VWDE: variants seen among roughly 807,000 people sequenced by gnomAD.
The protein encoded by VWDE is von Willebrand factor D and EGF domain-containing protein.
In VWDE, 207 loss-of-function variants were observed where a neutral mutation model predicts 178.4. The observed-to-expected ratio is 1.16, with a 90% confidence interval of 1.04 to 1.30. The LOEUF (loss-of-function observed/expected upper bound fraction) is 1.30. Among genes scored for constraint, VWDE ranks in the 50% most tolerant of loss-of-function variants. VWDE has a pLI of 0.00. For missense variants in VWDE, 2,287 were observed against 1,901.3 expected (o/e 1.20, Z -3.77); for synonymous variants, 738 against 651.4 (o/e 1.13, Z -2.02).
In VWDE at chr7:12,357,646, A is replaced by T. The variant is rs1668000329; in HGVS notation, c.3275-131T>A. 1.3e-5 allele frequency: 11 copies of T among 846,566 alleles called. No homozygotes were observed. In the Admixed American group the frequency reaches 3.9e-4, roughly 30 times the overall value. The allele number at this position is 846,566 out of a possible 1,614,324, so 52.4% of individuals were successfully genotyped here. The stretch of plus-strand genomic sequence containing the variant: ...GCTAAAAGGTCTATTAGCTGCTTTC[A>T]TTTTTTTTTTTAACATTCTGAGTAA... On this transcript the variant is annotated intron_variant, in intron 16 of 28. Transcript: ENST00000275358.
intron 24 of VWDE, among the ~76,000 whole-genome samples, 192 bp from the exon 25 acceptor site, chr7:12,337,464 G>T (rs1314459357): frequency 3.3e-5 from 5 of 152,108 alleles, no homozygotes; most frequent in Admixed American, 1.3e-4. Flanking sequence ...CTACTAGTGG[G>T]TTAGCACAAT....
At chr7:12,383,683 G>T in intron 3 of VWDE, 82 bp from the exon 4 acceptor site, 5 of 1,197,982 alleles carry the variant, frequency 4.2e-6, no homozygotes, top group Non-Finnish European at 6.0e-6. Context: ...ACAATTTATT[G>T]AAGGATGATT....
chr7:12,340,180 G>T, intron 24 of VWDE, 142 bp downstream of exon 24: 1 of 627,498 alleles, frequency 1.6e-6, no homozygotes, highest in Non-Finnish European at 2.8e-6. Context: ...CTAGTAATTT[G>T]GTGGGCATAC....
intron 23 of VWDE, 57 bp from the exon 24 acceptor site, chr7:12,340,474 A>G (rs879031668): frequency 2.2e-6 from 3 of 1,340,350 alleles, no homozygotes. Context: ...AAAAAATGAA[A>G]GCTGCACAGA....
intron 19 of VWDE, among the ~76,000 whole-genome samples, chr7:12,347,162 C>T (rs147135210): frequency 2.0e-5 from 3 of 152,186 alleles, no homozygotes; most frequent in East Asian, 1.9e-4. Flanking sequence ...ATGATCTGGG[C>T]CAAGTCAGTG....
intron 12 of VWDE, among the ~76,000 whole-genome samples, chr7:12,369,288 A>C (rs1282390481): frequency 1.3e-5 from 2 of 152,144 alleles, no homozygotes; most frequent in Admixed American, 1.3e-4. Flanking sequence ...TGACAGTAGC[A>C]GGGAATGAGT....
intron 1 of VWDE, among the ~76,000 whole-genome samples, chr7:12,394,075 T>C (rs2128562842): frequency 6.6e-6 from 1 of 152,302 alleles, no homozygotes; most frequent in East Asian, 1.9e-4. Flanking sequence ...CTGGCTGCTC[T>C]TGAGTTAGGA....
intron 24 of VWDE, 74 bp from the exon 25 acceptor site, chr7:12,337,346 C>T: frequency 8.0e-7 from 1 of 1,244,692 alleles, no homozygotes; most frequent in Middle Eastern, 1.8e-4. Context: ...GCATCATGTG[C>T]TTGTCATCAA....
chr7:12,352,907 A>G (rs1175353032), intron 18 of VWDE, among the ~76,000 whole-genome samples: 1 of 152,104 alleles, frequency 6.6e-6, no homozygotes, highest in Non-Finnish European at 1.5e-5. Context: ...TTTCCTCTAA[A>G]TCTAAGGGTT....
At chr7:12,401,634 G>A (rs1784898433) in intron 1 of VWDE, among the ~76,000 whole-genome samples, 1 of 152,132 alleles carries the variant, frequency 6.6e-6, no homozygotes, top group South Asian at 2.1e-4. Context: ...CCAAATCTCA[G>A]TTAATAAAAA....
rs57885954 is a variant in VWDE, at chr7:12,393,765, A to T, written c.72T>A (p.Ser24=). The T allele has an allele frequency of 6.3e-3, 9,791 of 1,550,000 alleles. 553 individuals are homozygous for T. In the African/African-American group the frequency reaches 0.12, roughly 19 times the overall value. The change falls in exon 2 of 29, where the codon TCT becomes TCA. Residue 24 remains serine (S), a synonymous_variant. Coordinates refer to ENST00000275358, the MANE Select transcript of VWDE (RefSeq NM_001135924.3). ...FLAWGEAQEC[S]PGGHQFLRSP... ...TCCGAAGAAACTGGTGTCCCCCAGG[A>T]GAGCACTCCTGAGCTAGTATGGAAA...
At chr7:12,373,870 T>C (rs1783356723) in intron 9 of VWDE, among the ~76,000 whole-genome samples, 1 of 152,162 alleles carries the variant, frequency 6.6e-6, no homozygotes, top group Non-Finnish European at 1.5e-5. Context: ...GTCTAAGCTT[T>C]TAGTTATAAC....
At chr7:12,368,447 G>C (rs1447438879) in intron 12 of VWDE, among the ~76,000 whole-genome samples, 6 of 151,998 alleles carry the variant, frequency 3.9e-5, no homozygotes, top group Non-Finnish European at 1.5e-5. Flanking sequence ...TCTGTGGTGG[G>C]AGAATCCTCC....
intron 5 of VWDE, 85 bp from the exon 6 acceptor site, chr7:12,379,651 A>C: frequency 1.1e-6 from 1 of 900,376 alleles, no homozygotes; most frequent in South Asian, 1.7e-5. Flanking sequence ...TCCTAAATTT[A>C]ATTCTTCATA....
At chr7:12,349,609 T>C (rs1343345602) in intron 19 of VWDE, among the ~76,000 whole-genome samples, 3 of 151,734 alleles carry the variant, frequency 2.0e-5, no homozygotes, top group African/African-American at 4.8e-5. Context: ...ACCTATTATG[T>C]ATAGGATCAG....
chr7:12,397,901 C>T lies in VWDE; in HGVS notation c.59-4123G>A, dbSNP rs534491143. Reference sequence around the variant, plus strand: ...GTCCGAATCACTATTATTAAAAAGTCAAAAAACAACAGATGTCACTGACGC... The same window carrying T: ...GTCCGAATCACTATTATTAAAAAGTTAAAAAACAACAGATGTCACTGACGC... On this transcript the variant is annotated intron_variant, in intron 1 of 28. Coordinates refer to ENST00000275358, the MANE Select transcript of VWDE (RefSeq NM_001135924.3). Among the ~76,000 whole-genome samples, 6 of 152,134 alleles carry T rather than the reference C, an allele frequency of 3.9e-5. 1 individual carries two copies. In the South Asian group the frequency reaches 1.2e-3, roughly 32 times the overall value.
At chr7:12,349,515 T>C (rs1781811193) in intron 19 of VWDE, among the ~76,000 whole-genome samples, 1 of 151,544 alleles carries the variant, frequency 6.6e-6, no homozygotes, top group Admixed American at 6.6e-5. Flanking sequence ...TATATTTATT[T>C]GATTACATAA....
At chr7:12,351,781 A>G (rs1005362037) in intron 18 of VWDE, 68 bp from the exon 19 acceptor site, 3 of 1,367,306 alleles carry the variant, frequency 2.2e-6, no homozygotes, top group African/African-American at 3.0e-5. Context: ...CACAAATAAG[A>G]ATATACAATA....
At chr7:12,332,597 CT>C (rs1780789010) in intron 28 of VWDE, among the ~76,000 whole-genome samples, 1 of 152,098 alleles carries the variant, frequency 6.6e-6, no homozygotes, top group Non-Finnish European at 1.5e-5. Context: ...CCCAAGGAAG[CT>C]CAAGCTTTTA....
Sources: allele counts gnomAD v4.1 joint callset (sites outside exome capture counted in the v4.1 genomes callset), GRCh38; gene constraint gnomAD v4.1.1; transcripts MANE v1.5; gene names NCBI Gene and HGNC (gene_info 2026-07-23, HGNC 2026-07-21).